Variants in KIF26A observed in about 807,000 individuals in gnomAD.
The protein encoded by KIF26A is kinesin family member 26A, also known as kinesin-like protein KIF26A.
Under a neutral mutation model 126.0 loss-of-function variants are expected in KIF26A, and 74 were observed. The observed-to-expected ratio is 0.59, with a 90% CI of 0.49 to 0.71. The LOEUF (loss-of-function observed/expected upper bound fraction) is 0.71. Ranked by LOEUF, KIF26A falls within the 30% of genes least tolerant of loss-of-function variation. KIF26A has a pLI of 0.00. For missense variants in KIF26A, 2,984 were observed against 2,763.3 expected (o/e 1.08, Z -1.79); for synonymous variants, 1,445 against 1,232.7 (o/e 1.17, Z -3.61).
intron 5 of KIF26A, among the ~76,000 whole-genome samples, chr14:104,170,470 A>G (rs965155484): frequency 2.6e-5 from 4 of 152,354 alleles, no homozygotes; most frequent in Admixed American, 6.5e-5. Flanking sequence ...CGAACTACCC[A>G]TGGTAAACCA....
Position 104,173,222 on chromosome 14 carries a change from C to A in KIF26A, c.1666C>A (p.Pro556Thr). ...QSPGVYLRED[P>T]VCGAQLQNQS... ...TCCGGGAGTGTACCTGCGGGAGGAC[C>A]CCGTGTGTGGGGCGCAGGTGCGCCT... The change falls in exon 8 of 15, where the codon CCC becomes ACC. Residue 556 changes from proline (P) to threonine (T), a missense_variant. Physicochemically the swap from Pro to Thr is conservative, Grantham distance 38 (BLOSUM62 -1). Coordinates refer to ENST00000423312, the MANE Select transcript of KIF26A (RefSeq NM_015656.2). The A allele has an allele frequency of 6.2e-7, 1 of 1,609,416 alleles. No individual in the cohort carries two copies. The highest frequency in any genetic ancestry group is 1.3e-5 in the African/African-American group (1 of 74,978).
chr14:104,175,721 G>T lies in KIF26A; in HGVS notation c.2933G>T (p.Arg978Leu). ...GGAGGGGGCACTGATGGAGTGGCAC[G>T]GACCCCTCCCGTGGGCATGAGTGGG... The part of the protein sequence containing the change: ...PGGGGTDGVA[R>L]TPPVGMSGQV... Residue 978 changes from arginine to leucine, a missense_variant, in exon 12 of 15, where the codon CGG becomes CTG. Physicochemically the swap from Arg to Leu is moderately radical, Grantham distance 102 (BLOSUM62 -2). Coordinates refer to ENST00000423312, the MANE Select transcript of KIF26A (RefSeq NM_015656.2). 6.3e-7 allele frequency: 1 copy of T among 1,582,092 alleles called. No individual in the cohort carries two copies. The highest frequency in any genetic ancestry group is 1.8e-5 in the Admixed American group (1 of 55,962).
In KIF26A at chr14:104,175,588, C is replaced by G. The variant is rs1407167308; in HGVS notation, c.2800C>G (p.Leu934Val). The change falls in exon 12 of 15, where the codon CTG becomes GTG. Residue 934 changes from leucine to valine, a missense_variant. Coordinates refer to ENST00000423312, the MANE Select transcript of KIF26A (RefSeq NM_015656.2). ...REDSSAWPEL[L>V]VPEKAAVSGG... ...GGACAGCAGCGCTTGGCCTGAGCTG[C>G]TGGTCCCGGAAAAGGCTGCAGTGAG... 44 of 1,609,320 alleles carry G rather than the reference C, an allele frequency of 2.7e-5. No individual in the cohort carries two copies. The highest frequency in any genetic ancestry group is 3.7e-5 in the Non-Finnish European group (44 of 1,179,686).
intron 5 of KIF26A, among the ~76,000 whole-genome samples, chr14:104,167,749 G>C (rs983286868): frequency 2.6e-5 from 4 of 152,292 alleles, no homozygotes; most frequent in African/African-American, 9.6e-5. Context: ...TGGAGGGTGG[G>C]AAGCCAGTCA....
At chr14:104,140,047 C>CCCGCTG (rs150853412) in intron 2 of KIF26A, among the ~76,000 whole-genome samples, 2,762 of 152,280 alleles carry the variant, frequency 0.018, 86 homozygotes, top group African/African-American at 0.063. Context: ...CCAGAGGAAG[C>CCCGCTG]CCGCTGCCGG....
chr14:104,169,496 A>G (rs2037937550), intron 5 of KIF26A, among the ~76,000 whole-genome samples: 2 of 152,148 alleles, frequency 1.3e-5, no homozygotes, highest in Non-Finnish European at 2.9e-5. Flanking sequence ...GTGCTTCCCC[A>G]GCAACAAGGA....
Position 104,179,908 on chromosome 14 carries a change from C to A in KIF26A, c.*118C>A. On this transcript the variant is annotated 3_prime_UTR_variant, in exon 15 of 15. Transcript: ENST00000423312. ...GATGCGGAGGGGTTTCTGTGCAGGACGGGAGTCTCAGAGAGGAGACGGAGT... is the reference window on the plus strand; with the variant it reads ...GATGCGGAGGGGTTTCTGTGCAGGAAGGGAGTCTCAGAGAGGAGACGGAGT... 2 of 1,065,306 alleles carry A rather than the reference C, an allele frequency of 1.9e-6. No homozygotes were observed. Among genetic ancestry groups the A allele is most frequent in the Non-Finnish European group, 2.6e-6 (2 of 769,938 alleles). 66.0% of individuals were successfully genotyped at this position (1,065,306 alleles called of 1,614,324 possible). A position where few individuals can be genotyped will look rare whatever the true frequency, so the allele number is the denominator to read the frequency against.
chr14:104,173,783 G>T lies in KIF26A; in HGVS notation c.1945G>T (p.Ala649Ser). ...GGCGGCTGGCAGGGCCGGGGAGGCT[G>T]CTGGGGGTCCCCTGTGTCTGTCCCT... ...EAAAGRAGEA[A>S]GGPLCLSLSA... The change falls in exon 10 of 15, where the codon GCT becomes TCT. Residue 649 changes from alanine to serine, a missense_variant. Coordinates refer to ENST00000423312, the MANE Select transcript of KIF26A (RefSeq NM_015656.2). 1 of 1,607,450 alleles carries T rather than the reference G, an allele frequency of 6.2e-7. No individual in the cohort carries two copies. The highest frequency in any genetic ancestry group is 8.5e-7 in the Non-Finnish European group (1 of 1,179,450).
At position 104,176,391 on chromosome 14, in the gene KIF26A, C is replaced by A. The variant is rs369217649; in HGVS notation, c.3603C>A (p.Ser1201=). 7 of 1,587,922 alleles carry A rather than the reference C, an allele frequency of 4.4e-6. No individual in the cohort carries two copies. The highest frequency in any genetic ancestry group is 5.2e-6 in the Non-Finnish European group (6 of 1,164,202). Residue 1201 remains serine, a synonymous_variant, in exon 12 of 15, where the codon TCC becomes TCA. Coordinates refer to ENST00000423312, the MANE Select transcript of KIF26A (RefSeq NM_015656.2). ...AGGCCGGGCCCTCGCGGTGGGCATC[C>A]GCAGCCCAGACCATCCACTCCAGCC... ...EPQAGPSRWA[S]AAQTIHSSLP...
rs1010792246 is a variant in KIF26A at position 104,152,282 on chromosome 14, C to T, written c.556C>T (p.Arg186Ter). 8 of 1,588,654 alleles carry T rather than the reference C, an allele frequency of 5.0e-6. No homozygotes were observed. Among genetic ancestry groups the T allele is most frequent in the Non-Finnish European group, 4.3e-6 (5 of 1,169,894 alleles). ...PAGPAGRQPG[R>*]AGPDRTKGLA... ...GGGTCCTGCAGGGAGGCAGCCAGGA[C>T]GAGCTGGGCCAGACAGGACCAAGGG... Residue 186 changes from arginine to a stop codon, truncating the protein, a stop_gained, in exon 3 of 15, where the codon CGA (arginine) becomes TGA (stop). Transcript: ENST00000423312. LOFTEE classifies it high-confidence loss of function. The surrounding 1 kb of genome is among the most constrained non-coding windows in gnomAD (Gnocchi z 5.9).
At chr14:104,157,994 G>C (rs142639926) in intron 4 of KIF26A, 52 bp downstream of exon 4, 2 of 1,446,244 alleles carry the variant, frequency 1.4e-6, no homozygotes, top group African/African-American at 2.9e-5. Context: ...CCATGGCCCC[G>C]GCTGTGGGCC....
intron 5 of KIF26A, among the ~76,000 whole-genome samples, chr14:104,171,370 T>C (rs1228431057): frequency 6.6e-6 from 1 of 152,198 alleles, no homozygotes; most frequent in Non-Finnish European, 1.5e-5. Context: ...GCCATGCTCC[T>C]CCCTCCTGCC....
In KIF26A at chr14:104,165,551, GTGTGTC is replaced by G. The variant is rs1438458373; in HGVS notation, c.924-1302_924-1297del. ...TGTATCTTTGTGTCTATGCGTGTGT[GTGTGTC>G]TGTGTGTTTCTGTATGCATGTGTGT... On this transcript the variant is annotated intron_variant, in intron 4 of 14. Coordinates refer to ENST00000423312, the MANE Select transcript of KIF26A (RefSeq NM_015656.2). Among the ~76,000 whole-genome samples, 16 of 147,536 alleles carry G rather than the reference GTGTGTC, an allele frequency of 1.1e-4. 1 individual carries two copies. Among genetic ancestry groups the G allele is most frequent in the African/African-American group, 3.4e-4 (13 of 38,646 alleles).
intron 2 of KIF26A, among the ~76,000 whole-genome samples, chr14:104,140,856 G>T (rs1404037515): frequency 6.6e-6 from 1 of 152,156 alleles, no homozygotes; most frequent in Non-Finnish European, 1.5e-5. Flanking sequence ...AGCACACCGG[G>T]GTCCCGGGCT....
chr14:104,176,676 G>A lies in KIF26A; in HGVS notation c.3888G>A (p.Arg1296=). The stretch of plus-strand genomic sequence containing the variant: ...AGGTGGCAGCCAGGGCGGCCCGCAG[G>A]CCAGAGGCTGTGGCTCGGATCCCAC... ...GCEVAARAAR[R]PEAVARIPPL... is the part of the protein sequence containing the mutation. The change falls in exon 12 of 15, where the codon AGG becomes AGA. Residue 1296 remains arginine (R), a synonymous_variant. Coordinates refer to ENST00000423312, the MANE Select transcript of KIF26A (RefSeq NM_015656.2). 9 of 1,597,132 alleles carry A rather than the reference G, an allele frequency of 5.6e-6. No homozygotes were observed. The highest frequency in any genetic ancestry group is 7.7e-6 in the Non-Finnish European group (9 of 1,171,566).
At position 104,171,774 on chromosome 14, in the gene KIF26A, G is replaced by A. The variant is rs375444859; in HGVS notation, c.1165G>A (p.Glu389Lys). ...WPAQGAQRSA[E>K]AMSFLKVDPR... ...CGCACAGGGGGCCCAGCGCTCGGCC[G>A]AGGCCATGTCCTTCCTGAAGGTGGA... Residue 389 changes from glutamate (E) to lysine (K), a missense_variant, in exon 6 of 15, where the codon GAG becomes AAG. Glu to Lys is a moderately conservative substitution (Grantham distance 56). Transcript: ENST00000423312. The A allele has an allele frequency of 3.5e-5, 55 of 1,579,458 alleles. No homozygotes were observed. Among genetic ancestry groups the A allele is most frequent in the Non-Finnish European group, 4.1e-5 (48 of 1,163,734 alleles).
chr14:104,138,779 G>T lies in KIF26A; in HGVS notation c.42+15G>T. The T allele has an allele frequency of 7.9e-7, 1 of 1,261,918 alleles. No homozygotes were observed. The highest frequency in any genetic ancestry group is 9.9e-7 in the Non-Finnish European group (1 of 1,006,986). The allele number at this position is 1,261,918 out of a possible 1,614,324, so 78.2% of individuals were successfully genotyped here. A position where few individuals can be genotyped will look rare whatever the true frequency, so the allele number is the denominator to read the frequency against. On this transcript the variant is annotated intron_variant, in intron 1 of 14. Transcript: ENST00000423312. The stretch of plus-strand genomic sequence containing the variant: ...CGCAGCCCGCGGTACGCGCGGCCCG[G>T]CCTGGAGAGGGAGGCGGGCGGCGGG...
chr14:104,138,815 G>C (rs2037608256), intron 1 of KIF26A, 51 bp downstream of exon 1: 2 of 1,250,480 alleles, frequency 1.6e-6, no homozygotes, highest in South Asian at 3.3e-5. Context: ...GGCCCGGGAC[G>C]GCGAAGATAC....
At chr14:104,156,589 G>A (rs968234976) in intron 3 of KIF26A, among the ~76,000 whole-genome samples, 1 of 152,196 alleles carries the variant, frequency 6.6e-6, no homozygotes, top group Admixed American at 6.5e-5. Flanking sequence ...CTGGAAGCTG[G>A]TACCGGCCAT....
Sources: allele counts gnomAD v4.1 joint callset (sites outside exome capture counted in the v4.1 genomes callset), GRCh38; gene constraint gnomAD v4.1.1; non-coding constraint Gnocchi (gnomAD v3.1); transcripts MANE v1.5; gene names NCBI Gene and HGNC (gene_info 2026-07-23, HGNC 2026-07-21).